WDR70: variants seen among roughly 807,000 people sequenced by gnomAD.
WDR70 encodes the protein WD repeat-containing protein 70.
In WDR70, 53 loss-of-function variants were observed where a neutral mutation model predicts 88.6. The observed-to-expected ratio is 0.60, with a 90% CI of 0.48 to 0.75. The LOEUF is 0.75. Ranked by LOEUF, WDR70 falls within the 30% of genes least tolerant of loss-of-function variation. WDR70 has a pLI of 0.00. For synonymous variants in WDR70, 280 were observed against 270.0 expected, an observed-to-expected ratio of 1.04 and a Z score of -0.36; for missense variants, 610 against 823.2, an observed-to-expected ratio of 0.74 and a Z score of 3.17.
chr5:37,733,472 T>C (rs1748212199), intron 17 of WDR70, among the ~76,000 whole-genome samples: 2 of 152,152 alleles, frequency 1.3e-5, no homozygotes, highest in South Asian at 2.1e-4. Context: ...GTAGAACTTT[T>C]TATTGTATAA....
At chr5:37,654,611 ATGAATC>A (rs1403881750) in intron 10 of WDR70, among the ~76,000 whole-genome samples, 1 of 152,192 alleles carries the variant, frequency 6.6e-6, no homozygotes, top group Non-Finnish European at 1.5e-5. Context: ...AACTTGCTTT[ATGAATC>A]TGGGTGCTCC....
At position 37,381,673 on chromosome 5, in the gene WDR70, C is replaced by A; in HGVS notation, c.163C>A (p.Arg55Ser). The A allele has an allele frequency of 6.2e-7, 1 of 1,610,796 alleles. No individual in the cohort carries two copies. The highest frequency in any genetic ancestry group is 1.1e-5 in the South Asian group (1 of 90,982). Residue 55 changes from arginine (R) to serine (S), a missense_variant, in exon 3 of 18, where the codon CGC becomes AGC. By Grantham distance (110) the Arg-to-Ser change is moderately radical. Coordinates refer to ENST00000265107, the MANE Select transcript of WDR70 (RefSeq NM_018034.4). ...QTRRTAVERS[R>S]KTLEAREKEE... ...TCGAAGGACAGCTGTGGAAAGAAGT[C>A]GCAAAACACTGGGTAAGAAGCTCAG...
At chr5:37,570,050 C>T (rs1342417989) in intron 9 of WDR70, among the ~76,000 whole-genome samples, 1 of 151,906 alleles carries the variant, frequency 6.6e-6, no homozygotes, top group African/African-American at 2.4e-5. Flanking sequence ...GGAGGGTAGA[C>T]TGAAAGGAAG....
At chr5:37,414,936 G>GGCCTTC (rs1561843127) in intron 5 of WDR70, among the ~76,000 whole-genome samples, 22 of 146,976 alleles carry the variant, frequency 1.5e-4, no homozygotes, top group African/African-American at 5.5e-4. Flanking sequence ...GCGGCCTTCC[G>GGCCTTC]CAGTGTTTGT....
At chr5:37,383,611 G>T (rs112855371) in intron 3 of WDR70, among the ~76,000 whole-genome samples, 1 of 151,070 alleles carries the variant, frequency 6.6e-6, no homozygotes, top group South Asian at 2.1e-4. Context: ...ATGGCGTCTC[G>T]CTCTGTCGCC....
intron 17 of WDR70, among the ~76,000 whole-genome samples, chr5:37,728,238 C>T (rs1351835938): frequency 1.3e-5 from 2 of 151,188 alleles, no homozygotes; most frequent in South Asian, 2.1e-4. Context: ...ATCCCAGCTA[C>T]TAAGGAGGCT....
chr5:37,675,208 C>G (rs1002928716), intron 10 of WDR70, among the ~76,000 whole-genome samples: 6 of 151,980 alleles, frequency 3.9e-5, no homozygotes, highest in African/African-American at 1.5e-4. Flanking sequence ...ATGGTAGTTT[C>G]TTTTGCTGTG....
At chr5:37,561,080 T>C (rs1742489324) in intron 9 of WDR70, among the ~76,000 whole-genome samples, 2 of 152,184 alleles carry the variant, frequency 1.3e-5, no homozygotes, top group African/African-American at 4.8e-5. Flanking sequence ...GTCAACTGCA[T>C]TCTTTTCTTA....
chr5:37,461,118 A>AT (rs1561860851), intron 7 of WDR70, among the ~76,000 whole-genome samples: 3 of 97,528 alleles, frequency 3.1e-5, no homozygotes, highest in African/African-American at 8.7e-5. Flanking sequence ...AAAAAAAAAA[A>AT]AAAAAAATAA....
chr5:37,459,038 G>A (rs1738916334), intron 7 of WDR70, among the ~76,000 whole-genome samples: 1 of 19,280 alleles, frequency 5.2e-5, no homozygotes, highest in Non-Finnish European at 1.4e-4. Context: ...CTTTGTTCTC[G>A]TTGGTTTCAA....
intron 5 of WDR70, among the ~76,000 whole-genome samples, chr5:37,408,517 C>T (rs1470838483): frequency 1.3e-5 from 2 of 152,030 alleles, no homozygotes; most frequent in African/African-American, 2.4e-5. Context: ...GATAAAGAAG[C>T]CTCCTCATTT....
chr5:37,741,617 C>T (rs983613431), intron 17 of WDR70, among the ~76,000 whole-genome samples: 3 of 152,276 alleles, frequency 2.0e-5, no homozygotes, highest in Non-Finnish European at 4.4e-5. Flanking sequence ...GAATCTAATA[C>T]TGTCACTGAT....
intron 9 of WDR70, among the ~76,000 whole-genome samples, chr5:37,527,649 A>T (rs1741331577): frequency 1.3e-5 from 2 of 152,236 alleles, no homozygotes; most frequent in African/African-American, 2.4e-5. Flanking sequence ...AAATAAACTA[A>T]AGAGCTTCTG....
rs557852406 is a variant in WDR70 at position 37,519,612 on chromosome 5, T to C, written c.917+3022T>C. ...GGCGCTCCTCACCTCCCAGACGGCG[T>C]GGCCGGGCGGAGGCGCTCCTCACCT... On this transcript the variant is annotated intron_variant, in intron 9 of 17. Transcript: ENST00000265107. 3.6e-3 allele frequency among the ~76,000 whole-genome samples: 340 copies of C among 93,854 alleles called. 4 individuals are homozygous for C. The highest frequency in any genetic ancestry group is 0.023 in the Middle Eastern group (3 of 128). The allele number at this position is 93,854 out of a possible 152,430, so 61.6% of individuals were successfully genotyped here. A position where few individuals can be genotyped will look rare whatever the true frequency, so the allele number is the denominator to read the frequency against.
chr5:37,382,261 G>A (rs1291815933), intron 3 of WDR70, among the ~76,000 whole-genome samples: 1 of 151,756 alleles, frequency 6.6e-6, no homozygotes, highest in Non-Finnish European at 1.5e-5. Context: ...ACCACGCCCA[G>A]CTAATTTTTT....
intron 9 of WDR70, among the ~76,000 whole-genome samples, chr5:37,534,916 A>G (rs1741617222): frequency 6.8e-6 from 1 of 147,794 alleles, no homozygotes; most frequent in Admixed American, 6.8e-5. Flanking sequence ...TGTTTGGTTG[A>G]TTTTTTTTTT....
At chr5:37,408,117 CAGGCTTCA>C (rs1017596393) in intron 5 of WDR70, among the ~76,000 whole-genome samples, 4 of 152,028 alleles carry the variant, frequency 2.6e-5, no homozygotes, top group Non-Finnish European at 5.9e-5. Flanking sequence ...CTTTAGTATA[CAGGCTTCA>C]AGTTAGATGC....
Position 37,415,387 on chromosome 5 carries a change from C to T in WDR70, c.492+18817C>T, listed in dbSNP as rs1408398056. Among the ~76,000 whole-genome samples, 6 of 122,576 alleles carry T rather than the reference C, an allele frequency of 4.9e-5. No individual in the cohort carries two copies. In the South Asian group the frequency reaches 8.6e-4, roughly 18 times the overall value. The allele number at this position is 122,576 out of a possible 152,430, so 80.4% of individuals were successfully genotyped here. A position where few individuals can be genotyped will look rare whatever the true frequency, so the allele number is the denominator to read the frequency against. ...GCAGAGGCACCCCTCACCTCCCGGACGGGGCGGCTGGCCGGGCGGGGGGCT... is the reference window on the plus strand; with the variant it reads ...GCAGAGGCACCCCTCACCTCCCGGATGGGGCGGCTGGCCGGGCGGGGGGCT... On this transcript the variant is annotated intron_variant, in intron 5 of 17. Transcript: ENST00000265107.
intron 8 of WDR70, among the ~76,000 whole-genome samples, chr5:37,492,000 C>T (rs950185685): frequency 1.3e-5 from 2 of 152,122 alleles, no homozygotes; most frequent in African/African-American, 4.8e-5. Flanking sequence ...ACAAGATGTT[C>T]CAGGGTCATC....
Sources: gnomAD v4.1 joint callset for allele counts (sites outside exome capture counted in the v4.1 genomes callset) on GRCh38, gnomAD v4.1.1 for gene constraint, MANE v1.5 for transcripts, NCBI Gene and HGNC (gene_info 2026-07-23, HGNC 2026-07-21) for gene names.